The following DLG2 variants were observed in gnomAD, a reference collection of about 807,000 sequenced individuals.
The protein encoded by DLG2 is disks large homolog 2.
Under a neutral mutation model 132.5 loss-of-function variants are expected in DLG2, and 45 were observed. That is an observed-to-expected ratio of 0.34 (90% confidence interval 0.27 to 0.44). DLG2 has a LOEUF of 0.44. Among genes scored for constraint, DLG2 ranks in the 20% least tolerant of loss-of-function variants. The pLI is 1.00. For synonymous variants in DLG2, 424 were observed against 419.6 expected (o/e 1.01, Z -0.13); for missense variants, 1,045 against 1,196.9 (o/e 0.87, Z 1.87).
At chr11:83,467,792 T>C (rs2091359553) in intron 25 of DLG2, among the ~76,000 whole-genome samples, 3 of 105,812 alleles carry the variant, frequency 2.8e-5, no homozygotes, top group Admixed American at 2.7e-4. Flanking sequence ...TATATATATA[T>C]ATATATATAT....
At chr11:85,320,404 G>A (rs1362843412) in intron 3 of DLG2, among the ~76,000 whole-genome samples, 1 of 151,766 alleles carries the variant, frequency 6.6e-6, no homozygotes, top group East Asian at 1.9e-4. Flanking sequence ...TGTATATTAT[G>A]CAGTCTCTTA....
intron 3 of DLG2, among the ~76,000 whole-genome samples, chr11:85,319,820 A>T (rs2080932944): frequency 6.6e-6 from 1 of 151,878 alleles, no homozygotes; most frequent in South Asian, 2.1e-4. Flanking sequence ...GTCTCTGATG[A>T]CCTTCTCAAT....
intron 6 of DLG2, among the ~76,000 whole-genome samples, chr11:84,755,148 C>T (rs73513196): frequency 0.026 from 4,013 of 152,084 alleles, 180 homozygotes; most frequent in African/African-American, 0.093. Context: ...TTGAAGAGAC[C>T]GGAAGAACCC....
intron 17 of DLG2, among the ~76,000 whole-genome samples, chr11:83,806,970 C>T (rs1453284612): frequency 2.0e-5 from 3 of 152,170 alleles, no homozygotes; most frequent in Non-Finnish European, 2.9e-5. Flanking sequence ...ACTGGAGCTG[C>T]CATCTTGAAT....
chr11:83,598,761 T>C (rs1363171826), intron 19 of DLG2, among the ~76,000 whole-genome samples: 3 of 152,222 alleles, frequency 2.0e-5, no homozygotes, highest in Non-Finnish European at 4.4e-5. Flanking sequence ...ATGTTACGCT[T>C]CACTGCTTTA....
At chr11:84,893,752 G>A (rs2089789505) in intron 6 of DLG2, among the ~76,000 whole-genome samples, 1 of 152,094 alleles carries the variant, frequency 6.6e-6, no homozygotes, top group South Asian at 2.1e-4. Flanking sequence ...TGTTATGAAT[G>A]AATCTCCCTG....
At chr11:84,475,473 A>G (rs946783655) in intron 7 of DLG2, among the ~76,000 whole-genome samples, 1 of 152,110 alleles carries the variant, frequency 6.6e-6, no homozygotes, top group Non-Finnish European at 1.5e-5. Flanking sequence ...TCTCAGGGGA[A>G]TAAAGTGGTC....
At chr11:85,064,575 G>T (rs1409263888) in intron 6 of DLG2, among the ~76,000 whole-genome samples, 1 of 151,684 alleles carries the variant, frequency 6.6e-6, no homozygotes, top group African/African-American at 2.4e-5. Context: ...ATCCCCTAGG[G>T]AGTGAAAATT....
At chr11:85,368,988 T>C (rs1243825616) in intron 3 of DLG2, among the ~76,000 whole-genome samples, 7 of 152,132 alleles carry the variant, frequency 4.6e-5, no homozygotes, top group Non-Finnish European at 8.8e-5. Context: ...CATCTTTAGC[T>C]AAACGAAGGA....
intron 18 of DLG2, among the ~76,000 whole-genome samples, chr11:83,766,027 T>C (rs191652936): frequency 2.6e-4 from 40 of 152,310 alleles, no homozygotes; most frequent in Admixed American, 2.3e-3. Context: ...TGACAAATGC[T>C]ATTATCATAT....
At chr11:83,509,981 G>A (rs989165045) in intron 21 of DLG2, among the ~76,000 whole-genome samples, 1 of 152,174 alleles carries the variant, frequency 6.6e-6, no homozygotes, top group African/African-American at 2.4e-5. Flanking sequence ...AATGTCTAGT[G>A]AAGGCCAATA....
At chr11:84,987,382 A>C (rs2056612564) in intron 6 of DLG2, among the ~76,000 whole-genome samples, 1 of 152,164 alleles carries the variant, frequency 6.6e-6, no homozygotes, top group South Asian at 2.1e-4. Context: ...TACCATCAAA[A>C]TAACATCATC....
intron 6 of DLG2, among the ~76,000 whole-genome samples, chr11:85,071,272 T>C (rs934888567): frequency 6.6e-5 from 10 of 151,798 alleles, no homozygotes; most frequent in Admixed American, 2.0e-4. Context: ...GGTAGATATG[T>C]AAAAGAACTT....
At chr11:84,825,991 G>T (rs140500859) in intron 6 of DLG2, among the ~76,000 whole-genome samples, 4 of 151,888 alleles carry the variant, frequency 2.6e-5, no homozygotes, top group Admixed American at 2.0e-4. Context: ...TACACCCTCA[G>T]TGTTTATTTT....
At chr11:84,238,375 T>C (rs962753666) in intron 8 of DLG2, among the ~76,000 whole-genome samples, 55 of 152,016 alleles carry the variant, frequency 3.6e-4, no homozygotes, top group African/African-American at 1.3e-3. Flanking sequence ...ATTACCTGGA[T>C]GTGGTGGCAC....
chr11:85,553,507 T>A (rs574054932), intron 3 of DLG2, among the ~76,000 whole-genome samples: 2 of 151,294 alleles, frequency 1.3e-5, no homozygotes, highest in African/African-American at 4.8e-5. Flanking sequence ...TTGGTAGAAA[T>A]GGGGTTTCCA....
intron 6 of DLG2, among the ~76,000 whole-genome samples, chr11:85,084,411 G>C (rs1051863531): frequency 2.0e-5 from 3 of 152,170 alleles, no homozygotes; most frequent in Non-Finnish European, 4.4e-5. Flanking sequence ...TACATTCTTA[G>C]TAAAATAGAA....
intron 6 of DLG2, among the ~76,000 whole-genome samples, chr11:84,741,113 C>T (rs971956438): frequency 7.8e-6 from 1 of 127,900 alleles, no homozygotes; most frequent in Non-Finnish European, 1.5e-5. Flanking sequence ...GTCGCCCAGG[C>T]GGGAGTGCTG....
intron 6 of DLG2, among the ~76,000 whole-genome samples, chr11:84,600,159 G>GGAAAGAAAGAAAGAAGGAAA: frequency 1.0e-5 from 1 of 96,148 alleles, no homozygotes; most frequent in Admixed American, 1.2e-4. Flanking sequence ...AAAGAAAGAA[G>GGAAAGAAAGAAAGAAGGAAA]GAAAGAAAGA....
Sources: allele counts gnomAD v4.1 joint callset (sites outside exome capture counted in the v4.1 genomes callset), GRCh38; gene constraint gnomAD v4.1.1; transcripts MANE v1.5; gene names NCBI Gene and HGNC (gene_info 2026-07-23, HGNC 2026-07-21).